RNF128: variants seen among roughly 807,000 people sequenced by gnomAD.
RNF128 encodes the protein E3 ubiquitin-protein ligase RNF128.
RNF128 carries 13 observed loss-of-function variants against 26.2 expected under a neutral mutation model. The observed-to-expected ratio is 0.50, with a 90% CI of 0.32 to 0.79. The LOEUF (loss-of-function observed/expected upper bound fraction) is 0.79, where lower values mean the gene tolerates loss of function less well. Ranked by LOEUF, RNF128 falls within the 30% of genes least tolerant of loss-of-function variation. The probability of loss-of-function intolerance (pLI) is 0.03; values close to 1 mark genes in which losing one functional copy is unlikely to be tolerated. For missense variants in RNF128, 315 were observed against 349.7 expected (o/e 0.90, Z 0.79); for synonymous variants, 149 against 142.5 (o/e 1.05, Z -0.32).
chrX:106,784,195 A>C (rs762394057), intron 2 of RNF128, among the ~76,000 whole-genome samples: 25 of 111,784 alleles, frequency 2.2e-4, no homozygotes, highest in Admixed American at 3.8e-4. Context: ...CATCACCAGT[A>C]ACTTCAAATT....
chrX:106,746,384 T>G (rs1186941045), intron 1 of RNF128, among the ~76,000 whole-genome samples: 1 of 111,492 alleles, frequency 9.0e-6, no homozygotes, highest in Non-Finnish European at 1.9e-5. Flanking sequence ...TTTTACATTT[T>G]AACACGTTAA....
At chrX:106,780,193 G>A (rs1370846928) in intron 2 of RNF128, among the ~76,000 whole-genome samples, 1 of 111,245 alleles carries the variant, frequency 9.0e-6, no homozygotes, top group Non-Finnish European at 1.9e-5. Flanking sequence ...CCAAAAATCA[G>A]GCTGAAAAAT....
At chrX:106,740,201 A>G (rs1289808088) in intron 1 of RNF128, among the ~76,000 whole-genome samples, 1 of 111,355 alleles carries the variant, frequency 9.0e-6, no homozygotes, top group African/African-American at 3.3e-5. Flanking sequence ...GGGACCTCAC[A>G]TTTTTAGCCT....
At chrX:106,787,232 A>G (rs900051831) in intron 3 of RNF128, among the ~76,000 whole-genome samples, 2 of 111,876 alleles carry the variant, frequency 1.8e-5, no homozygotes, top group Admixed American at 1.9e-4. Flanking sequence ...ACTGTGGTAC[A>G]TACATATCAT....
chrX:106,717,508 C>T (rs12009433), intron 1 of RNF128, among the ~76,000 whole-genome samples: 3 of 111,200 alleles, frequency 2.7e-5, no homozygotes, highest in Non-Finnish European at 3.8e-5. Flanking sequence ...TTCTTGATAC[C>T]GTTAATAGGG....
At chrX:106,774,068 C>G (rs1458101745) in intron 2 of RNF128, among the ~76,000 whole-genome samples, 1 of 111,538 alleles carries the variant, frequency 9.0e-6, no homozygotes, top group Non-Finnish European at 1.9e-5. Context: ...ACTGATCTCA[C>G]TTTAAATTTG....
At chrX:106,793,474 A>G (rs1040497702) in intron 6 of RNF128, among the ~76,000 whole-genome samples, 28 of 111,639 alleles carry the variant, frequency 2.5e-4, no homozygotes, top group Admixed American at 8.6e-4. Flanking sequence ...GTTAACATAT[A>G]ACCATATACA....
At position 106,693,870 on chromosome X, in the gene RNF128, A is replaced by G. The variant is rs1042839732; in HGVS notation, c.-133A>G. ...TGATGTATCCAGAGGTTATGTTGCT[A>G]GAGGTGAGATCAGTTACCTACGTGC... On this transcript the variant is annotated 5_prime_UTR_variant, in exon 1 of 7. Coordinates refer to the RNF128 transcript ENST00000324342. The G allele has an allele frequency of 1.8e-5, 9 of 494,607 alleles. No individual in the cohort carries two copies. The African/African-American group carries it at 2.2e-4, about 12-fold the overall frequency. The allele number at this position is 494,607 out of a possible 1,213,427, so 40.8% of individuals were successfully genotyped here.
intron 1 of RNF128, among the ~76,000 whole-genome samples, chrX:106,752,276 C>T (rs1253247582): frequency 8.9e-6 from 1 of 112,479 alleles, no homozygotes; most frequent in Non-Finnish European, 1.9e-5. Flanking sequence ...TAATGCAGCT[C>T]AGTCCCAGCA....
At chrX:106,766,001 G>T (rs1386633316) in intron 1 of RNF128, among the ~76,000 whole-genome samples, 1 of 109,663 alleles carries the variant, frequency 9.1e-6, no homozygotes. Context: ...AGTTTGCTCA[G>T]AATGATGGTT....
chrX:106,752,794 T>C (rs937360780), intron 1 of RNF128, among the ~76,000 whole-genome samples: 14 of 111,677 alleles, frequency 1.3e-4, no homozygotes, highest in Non-Finnish European at 2.3e-4. Context: ...CTGAGGAAGC[T>C]CAGTGAAATT....
Position 106,773,075 on chromosome X carries a change from T to C in RNF128, c.647T>C (p.Phe216Ser), listed in dbSNP as rs1930404698. 8.3e-7 allele frequency: 1 copy of C among 1,209,071 alleles called. No individual in the cohort carries two copies. The highest frequency in any genetic ancestry group is 2.2e-5 in the Admixed American group (1 of 45,597). Residue 216 changes from phenylalanine (F) to serine (S), a missense_variant, in exon 2 of 7, where the codon TTT becomes TCT. Phe to Ser is a radical substitution (Grantham distance 155, BLOSUM62 -2). Transcript: ENST00000255499. ...ATTTTTTTCGTTTCTGTGTCCTTTT[T>C]TATTATTACGGCGGCAACTGTGGGC... is the stretch of plus-strand genomic sequence containing the variant. Reference protein sequence around the residue: ...YSIFFVSVSFFIITAATVGYF... With the variant: ...YSIFFVSVSFSIITAATVGYF...
chrX:106,743,881 A>G (rs1186581437), intron 1 of RNF128, among the ~76,000 whole-genome samples: 2 of 107,992 alleles, frequency 1.9e-5, no homozygotes, highest in African/African-American at 3.4e-5. Flanking sequence ...AGACTGGATT[A>G]AGAAAATGTG....
chrX:106,708,995 G>T (rs1418890100), intron 1 of RNF128, among the ~76,000 whole-genome samples: 1 of 111,210 alleles, frequency 9.0e-6, no homozygotes, highest in Non-Finnish European at 1.9e-5. Context: ...TTTGTACAAG[G>T]TTCCTAGTGC....
intron 4 of RNF128, 58 bp from the exon 5 acceptor site, chrX:106,790,128 A>G (rs949432953): frequency 3.5e-5 from 25 of 705,332 alleles, no homozygotes; most frequent in South Asian, 5.0e-5. Flanking sequence ...CTGTTAATAT[A>G]TATTAGGTAA....
At chrX:106,726,686 C>T, upstream of RNF128, 1 of 1,017,930 alleles carries the variant, frequency 9.8e-7, no homozygotes, top group Non-Finnish European at 1.2e-6. Flanking sequence ...AGCCCCAGAG[C>T]CCGACGCGGC....
chrX:106,726,791 G>A lies in RNF128; in HGVS notation c.-123G>A. Reference sequence around the variant, plus strand: ...GTGCCTCCTGGCTCCGACGTAGCTCGCAGCTCCCCAGTCTCACTCCATTCC... The same window carrying A: ...GTGCCTCCTGGCTCCGACGTAGCTCACAGCTCCCCAGTCTCACTCCATTCC... On this transcript the variant is annotated 5_prime_UTR_variant, in exon 1 of 7. Transcript: ENST00000255499. The A allele has an allele frequency of 1.9e-6, 2 of 1,068,569 alleles. No homozygotes were observed. The highest frequency in any genetic ancestry group is 1.9e-5 in the African/African-American group (1 of 52,162). The allele number at this position is 1,068,569 out of a possible 1,213,427, so 88.1% of individuals were successfully genotyped here.
intron 1 of RNF128, among the ~76,000 whole-genome samples, chrX:106,739,853 G>A (rs887612758): frequency 7.2e-5 from 8 of 111,029 alleles, no homozygotes; most frequent in African/African-American, 2.3e-4. Flanking sequence ...GTCATGCAGA[G>A]GCATCCCAAA....
intron 1 of RNF128, among the ~76,000 whole-genome samples, chrX:106,745,234 C>G (rs1456594375): frequency 1.8e-5 from 2 of 111,480 alleles, no homozygotes; most frequent in Non-Finnish European, 3.8e-5. Flanking sequence ...GGCAGAAAGG[C>G]AACTTGCTGT....
Sources: gnomAD v4.1 joint callset for allele counts (sites outside exome capture counted in the v4.1 genomes callset) on GRCh38, gnomAD v4.1.1 for gene constraint, MANE v1.5 for transcripts, NCBI Gene and HGNC (gene_info 2026-07-23, HGNC 2026-07-21) for gene names.